DRC9: variants seen among roughly 807,000 people sequenced by gnomAD.
DRC9 encodes the protein dynein regulatory complex subunit 9.
chr3:197,902,567 T>C, the DRC9 span, among the ~76,000 whole-genome samples: 12 of 151,840 alleles, frequency 7.9e-5, no homozygotes, highest in African/African-American at 2.4e-4. Flanking sequence ...AAAAATGCAA[T>C]TGACATATTG....
the DRC9 span, among the ~76,000 whole-genome samples, chr3:197,947,863 G>A: frequency 2.0e-5 from 3 of 150,924 alleles, no homozygotes; most frequent in Non-Finnish European, 4.4e-5. Flanking sequence ...CTGGGCTTAG[G>A]TAACTATTTC....
At chr3:197,935,942 G>C in the DRC9 span, among the ~76,000 whole-genome samples, 2 of 152,046 alleles carry the variant, frequency 1.3e-5, no homozygotes, top group African/African-American at 4.8e-5. Context: ...GCAAATAAAA[G>C]CCAATTAAGA....
At chr3:197,950,037 G>C in the DRC9 span, 1 of 967,192 alleles carries the variant, frequency 1.0e-6, no homozygotes, top group African/African-American at 1.7e-5. Flanking sequence ...AAGGACTTAG[G>C]AAAATAATTG....
chr3:197,892,819 T>G, the DRC9 span: 4 of 1,593,568 alleles, frequency 2.5e-6, no homozygotes, highest in South Asian at 4.4e-5. Flanking sequence ...GTATACTGTA[T>G]GATTCCACTT....
chr3:197,928,531 G>T, the DRC9 span, among the ~76,000 whole-genome samples: 230 of 152,018 alleles, frequency 1.5e-3, no homozygotes, highest in African/African-American at 5.0e-3. Context: ...TGCATTTTTA[G>T]TAGAGGTGGG....
the DRC9 span, among the ~76,000 whole-genome samples, chr3:197,911,859 C>G: frequency 6.6e-6 from 1 of 151,728 alleles, no homozygotes; most frequent in African/African-American, 2.4e-5. Context: ...AGGCTGGTCT[C>G]GAACTCCTGA....
chr3:197,901,923 C>T, the DRC9 span, among the ~76,000 whole-genome samples: 2 of 152,238 alleles, frequency 1.3e-5, no homozygotes, highest in East Asian at 3.9e-4. The surrounding 1 kb of genome is among the most constrained non-coding windows in gnomAD (Gnocchi z 4.4). Flanking sequence ...TTGGGTGAGA[C>T]CAGGTGCTGT....
At chr3:197,916,752 G>C in the DRC9 span, among the ~76,000 whole-genome samples, 1 of 152,070 alleles carries the variant, frequency 6.6e-6, no homozygotes, top group Non-Finnish European at 1.5e-5. Context: ...AAAAAACAAA[G>C]TGGTAATTGG....
the DRC9 span, chr3:197,912,443 CT>C: frequency 2.2e-6 from 1 of 444,564 alleles, no homozygotes; most frequent in South Asian, 3.6e-5. Flanking sequence ...CGAAAAATTT[CT>C]TATGTAAGCT....
chr3:197,919,986 G>A, the DRC9 span, among the ~76,000 whole-genome samples: 1 of 151,728 alleles, frequency 6.6e-6, no homozygotes, highest in African/African-American at 2.4e-5. Flanking sequence ...GATCACTTGA[G>A]GTCAAGAGTT....
At chr3:197,903,293 T>C in the DRC9 span, among the ~76,000 whole-genome samples, 3 of 152,352 alleles carry the variant, frequency 2.0e-5, no homozygotes, top group Non-Finnish European at 2.9e-5. Context: ...TCTTGAGTAA[T>C]ACCCCACAAG....
At chr3:197,951,099 T>A in the DRC9 span, 2 of 1,611,586 alleles carry the variant, frequency 1.2e-6, no homozygotes, top group Non-Finnish European at 1.7e-6. Flanking sequence ...TGGGGGTGAT[T>A]ACAAGTCAGA....
At chr3:197,894,918 G>A in the DRC9 span, among the ~76,000 whole-genome samples, 1 of 152,076 alleles carries the variant, frequency 6.6e-6, no homozygotes, top group Non-Finnish European at 1.5e-5. Flanking sequence ...TTTTTAATTA[G>A]CCAGGTGTGG....
the DRC9 span, among the ~76,000 whole-genome samples, chr3:197,917,254 C>T: frequency 6.6e-6 from 1 of 152,210 alleles, no homozygotes; most frequent in African/African-American, 2.4e-5. Context: ...GAGGCCGAGG[C>T]TGCAGTGAGC....
At chr3:197,911,259 A>T in the DRC9 span, among the ~76,000 whole-genome samples, 2 of 152,216 alleles carry the variant, frequency 1.3e-5, no homozygotes, top group African/African-American at 2.4e-5. Context: ...GAGACCTTGA[A>T]ATTACTGCCT....
the DRC9 span, chr3:197,912,801 G>C: frequency 1.4e-6 from 2 of 1,463,510 alleles, no homozygotes; most frequent in South Asian, 2.3e-5. Context: ...CTGGGAATCA[G>C]AAGTTCTCAA....
At chr3:197,907,156 G>C in the DRC9 span, among the ~76,000 whole-genome samples, 136 of 152,268 alleles carry the variant, frequency 8.9e-4, no homozygotes, top group Middle Eastern at 3.4e-3. Context: ...GCCTATGTAG[G>C]AAAGCAAGCA....
chr3:197,910,637 C>A, the DRC9 span, among the ~76,000 whole-genome samples: 2 of 152,174 alleles, frequency 1.3e-5, no homozygotes, highest in African/African-American at 2.4e-5. Flanking sequence ...TGTATTATAA[C>A]TAAGCTGGAA....
chr3:197,927,102 T>C, the DRC9 span, among the ~76,000 whole-genome samples: 1 of 152,308 alleles, frequency 6.6e-6, no homozygotes, highest in Admixed American at 6.5e-5. Flanking sequence ...AATCCCATTA[T>C]TTAGGTTTAA....
Sources: gnomAD v4.1 joint callset for allele counts (sites outside exome capture counted in the v4.1 genomes callset) on GRCh38, gnomAD v4.1.1 for gene constraint, Gnocchi (gnomAD v3.1) non-coding constraint, MANE v1.5 for transcripts, NCBI Gene and HGNC (gene_info 2026-07-23, HGNC 2026-07-21) for gene names.